CS: variants seen among roughly 807,000 people sequenced by gnomAD.
CS encodes citrate synthase, mitochondrial.
CS carries 13 observed loss-of-function variants against 61.4 expected under a neutral mutation model. The observed-to-expected ratio is 0.21, with a 90% CI of 0.14 to 0.34. The LOEUF (loss-of-function observed/expected upper bound fraction) is 0.34. Ranked by LOEUF, CS falls within the 10% of genes least tolerant of loss-of-function variation. The pLI, the probability that CS is intolerant of heterozygous loss-of-function variation, is 1.00. For synonymous variants in CS, 159 were observed against 215.2 expected, an observed-to-expected ratio of 0.74 and a Z score of 2.29; for missense variants, 278 against 573.4, an observed-to-expected ratio of 0.48 and a Z score of 5.26.
At chr12:56,299,598 G>A in intron 1 of CS, among the ~76,000 whole-genome samples, 1 of 152,132 alleles carries the variant, frequency 6.6e-6, no homozygotes, top group Non-Finnish European at 1.5e-5. Context: ...GAGTCCCAAG[G>A]ACAAAGAGGA....
chr12:56,286,070 A>G (rs764459072), intron 2 of CS, 47 bp from the exon 3 acceptor site: 3 of 1,510,758 alleles, frequency 2.0e-6, no homozygotes, highest in Admixed American at 1.7e-5. Flanking sequence ...AAAGTTTATT[A>G]GATTTCCTGC....
intron 1 of CS, 31 bp downstream of exon 1, chr12:56,300,129 G>A: frequency 6.4e-7 from 1 of 1,551,392 alleles, no homozygotes; most frequent in Non-Finnish European, 8.7e-7. Flanking sequence ...CCCCACCCTG[G>A]GACGGCGTGC....
chr12:56,300,022 C>CT (rs1350796359), intron 1 of CS, 138 bp downstream of exon 1: 2 of 773,256 alleles, frequency 2.6e-6, no homozygotes, highest in African/African-American at 3.7e-5. Context: ...TCACGCAGGG[C>CT]TGGCGGCCAG....
chr12:56,281,075 T>C (rs1475653038), intron 6 of CS, among the ~76,000 whole-genome samples: 8 of 152,236 alleles, frequency 5.3e-5, no homozygotes, highest in Non-Finnish European at 8.8e-5. Context: ...CTTCTGTGTC[T>C]TGCACCACAG....
At chr12:56,280,709 T>C (rs1183656974) in intron 6 of CS, among the ~76,000 whole-genome samples, 1 of 151,896 alleles carries the variant, frequency 6.6e-6, no homozygotes, top group Admixed American at 6.6e-5. Flanking sequence ...CGAGACTCCA[T>C]CTCAAAAAAA....
intron 10 of CS, 64 bp downstream of exon 10, chr12:56,273,523 T>C: frequency 6.7e-7 from 1 of 1,500,246 alleles, no homozygotes; most frequent in Non-Finnish European, 9.3e-7. Flanking sequence ...ATTGACTTTG[T>C]GCATGGCAGA....
intron 7 of CS, chr12:56,275,703 T>G (rs1165244329): frequency 2.2e-6 from 1 of 451,868 alleles, no homozygotes; most frequent in Non-Finnish European, 4.0e-6. Context: ...TTAATAGCAA[T>G]GGCCCCAAAG....
chr12:56,273,316 A>G (rs17118431), intron 10 of CS, 62 bp from the exon 11 acceptor site: 88,428 of 1,513,304 alleles, frequency 0.058, 2,982 homozygotes, highest in Non-Finnish European at 0.067. Flanking sequence ...TACAAGTCCT[A>G]GGTGATAGAA....
intron 1 of CS, among the ~76,000 whole-genome samples, chr12:56,292,730 CAAAAAAAAAA>C (rs531365770): frequency 1.6e-4 from 9 of 56,880 alleles, no homozygotes; most frequent in East Asian, 5.5e-4. Context: ...TAAAAAAATA[CAAAAAAAAAA>C]AAAAAAAAAA....
chr12:56,280,415 C>CAAAAAA (rs1565620524), intron 6 of CS, among the ~76,000 whole-genome samples: 6 of 11,460 alleles, frequency 5.2e-4, no homozygotes, highest in African/African-American at 5.7e-4. Flanking sequence ...ACACCGTCTC[C>CAAAAAA]CAAAAAAAAC....
At chr12:56,273,887 G>T in intron 9 of CS, 91 bp from the exon 10 acceptor site, 1 of 1,110,022 alleles carries the variant, frequency 9.0e-7, no homozygotes, top group Non-Finnish European at 1.4e-6. Flanking sequence ...AGGCTGGAGT[G>T]CAGTGGCATG....
Position 56,273,091 on chromosome 12 carries a change from G to A in CS, c.1394C>T (p.Ser465Leu), listed in dbSNP as rs367955198. The change falls in exon 11 of 11, where the codon TCA becomes TTA. Residue 465 changes from serine to leucine, a missense_variant. Around this residue, in one of 2 missense-constraint regions of CS, gnomAD observed 223 missense variants for 503.5 expected, o/e 0.44. Transcript: ENST00000351328. ...TTCACCCAGTCTCCAGTTTTACCCT[G>A]ACTTAGAGTCCACAAACTTCATCAG... is the stretch of plus-strand genomic sequence containing the variant. Reference protein sequence around the residue: ...EGLMKFVDSKSG With the variant: ...EGLMKFVDSKLG 5.0e-6 allele frequency: 8 copies of A among 1,609,272 alleles called. No homozygotes were observed. Among genetic ancestry groups the A allele is most frequent in the Non-Finnish European group, 6.8e-6 (8 of 1,177,994 alleles).
chr12:56,291,382 A>G (rs1873121825), intron 1 of CS: 2 of 646,840 alleles, frequency 3.1e-6, no homozygotes, highest in Non-Finnish European at 2.0e-6. Context: ...CATCAAGGAA[A>G]AGATACCAGT....
chr12:56,290,749 A>T (rs1177436038), intron 1 of CS, among the ~76,000 whole-genome samples: 2 of 152,192 alleles, frequency 1.3e-5, no homozygotes, highest in Non-Finnish European at 2.9e-5. Context: ...TAGCTCCATT[A>T]CTAATTAAGA....
intron 1 of CS, 104 bp downstream of exon 1, chr12:56,300,056 G>A: frequency 1.1e-5 from 13 of 1,171,346 alleles, no homozygotes; most frequent in Non-Finnish European, 1.3e-5. Context: ...CCTTTAAGGC[G>A]CGCAGGGTGC....
At chr12:56,292,375 A>G (rs1174778667) in intron 1 of CS, among the ~76,000 whole-genome samples, 3 of 149,770 alleles carry the variant, frequency 2.0e-5, no homozygotes, top group African/African-American at 7.4e-5. Context: ...TGGCTGACAG[A>G]GCAAGACTTG....
intron 1 of CS, among the ~76,000 whole-genome samples, chr12:56,290,683 TGTAGA>T (rs964735437): frequency 1.4e-5 from 2 of 140,998 alleles, no homozygotes; most frequent in African/African-American, 2.5e-5. Flanking sequence ...TATCTAATGA[TGTAGA>T]GTACAGAGCA....
chr12:56,282,986 G>A lies in CS; in HGVS notation c.273C>T (p.Ile91=). 1 of 1,614,106 alleles carries A rather than the reference G, an allele frequency of 6.2e-7. No homozygotes were observed. Among genetic ancestry groups the A allele is most frequent in the Non-Finnish European group, 8.5e-7 (1 of 1,180,012 alleles). ...ETSVLDPDEG[I]RFRGFSIPEC... ...CAGGGATACTAAAGCCTCGGAAACG[G>A]ATGCCCTTGAGAGAGGAGAGAGAGA... is the stretch of plus-strand genomic sequence containing the variant. Residue 91 remains isoleucine (I), a synonymous_variant, in exon 5 of 11, where the codon ATC becomes ATT. Transcript: ENST00000351328.
intron 6 of CS, among the ~76,000 whole-genome samples, chr12:56,279,967 C>CA (rs1443249515): frequency 6.6e-6 from 1 of 151,462 alleles, no homozygotes; most frequent in Non-Finnish European, 1.5e-5. Context: ...GACTCCATCT[C>CA]AAAAAACAAA....
Sources: gnomAD v4.1 joint callset for allele counts (sites outside exome capture counted in the v4.1 genomes callset) on GRCh38, gnomAD v4.1.1 for gene constraint, gnomAD v4.1.1 regional missense constraint, MANE v1.5 for transcripts, NCBI Gene and HGNC (gene_info 2026-07-23, HGNC 2026-07-21) for gene names.